MAML2: variants seen among roughly 807,000 people sequenced by gnomAD.
The protein encoded by MAML2 is mastermind-like protein 2.
MAML2 carries 22 observed loss-of-function variants against 96.1 expected under a neutral mutation model. The ratio of observed to expected loss-of-function variants is 0.23; its 90% confidence interval spans 0.16 to 0.33. The LOEUF (loss-of-function observed/expected upper bound fraction) is 0.33, where lower values mean the gene tolerates loss of function less well. Ranked by LOEUF, MAML2 falls within the 10% of genes least tolerant of loss-of-function variation. MAML2 has a pLI of 1.00. For synonymous variants in MAML2, 561 were observed against 521.3 expected (o/e 1.08, Z -1.04); for missense variants, 1,367 against 1,392.4 (o/e 0.98, Z 0.29).
chr11:96,222,257 G>A (rs565106429), intron 1 of MAML2, among the ~76,000 whole-genome samples: 1 of 152,120 alleles, frequency 6.6e-6, no homozygotes, highest in Admixed American at 6.5e-5. Flanking sequence ...TTCCATAAGC[G>A]CACGCTGAAT....
intron 2 of MAML2, among the ~76,000 whole-genome samples, chr11:96,086,412 A>G (rs991414863): frequency 1.3e-5 from 2 of 152,044 alleles, no homozygotes; most frequent in Non-Finnish European, 2.9e-5. Flanking sequence ...ACCTAACAAA[A>G]CTCCAGAAAT....
intron 1 of MAML2, among the ~76,000 whole-genome samples, chr11:96,225,783 A>G (rs1048239741): frequency 2.0e-5 from 3 of 152,158 alleles, no homozygotes; most frequent in Admixed American, 6.5e-5. Context: ...CAGTGAGCCA[A>G]AAATGGGCCA....
At chr11:96,041,451 G>A (rs1858807744) in intron 2 of MAML2, among the ~76,000 whole-genome samples, 1 of 151,004 alleles carries the variant, frequency 6.6e-6, no homozygotes, top group African/African-American at 2.4e-5. Context: ...CAGTGAGCCA[G>A]CCTGGGCAAC....
intron 2 of MAML2, among the ~76,000 whole-genome samples, chr11:96,067,391 A>G (rs1027564785): frequency 1.3e-5 from 2 of 152,238 alleles, no homozygotes; most frequent in Admixed American, 1.3e-4. Context: ...AACAAAGGCC[A>G]TTTCTATCCA....
chr11:95,991,522 C>T lies in MAML2; in HGVS notation c.2341G>A (p.Ala781Thr), dbSNP rs199879516. The T allele has an allele frequency of 1.1e-4, 176 of 1,613,358 alleles. No homozygotes were observed. The highest frequency in any genetic ancestry group is 2.2e-4 in the East Asian group (10 of 44,894). Residue 781 changes from alanine (A) to threonine (T), a missense_variant and splice_region_variant, in exon 3 of 5, where the codon GCG (alanine) becomes ACG (threonine). Transcript: ENST00000524717. ...TAGAAATTAAGAGAAAGTTTTACCG[C>T]GTCAGCCAGCATCTGCTGCTGGAGA... ...LLLQQQMLAD[A>T]EKIAPQDQIN...
intron 1 of MAML2, among the ~76,000 whole-genome samples, chr11:96,299,238 C>A (rs1863353257): frequency 9.1e-6 from 1 of 110,200 alleles, no homozygotes. Flanking sequence ...TGACACTAAT[C>A]ATAAGTACTA....
In MAML2 at chr11:96,110,384, A is replaced by G. The variant is rs181292203; in HGVS notation, c.514-16867T>C. ...ACATTCTAGAATGGAGGATTCCGCC[A>G]TCTTGCCTAATTCTTTCACTTTATG... is the stretch of plus-strand genomic sequence containing the variant. On this transcript the variant is annotated intron_variant, in intron 1 of 4. Coordinates refer to ENST00000524717, the MANE Select transcript of MAML2 (RefSeq NM_032427.4). 2.4e-4 allele frequency among the ~76,000 whole-genome samples: 36 copies of G among 152,354 alleles called. No homozygotes were observed. In the East Asian group the frequency reaches 5.0e-3, roughly 21 times the overall value.
chr11:96,184,239 G>C (rs1023738345), intron 1 of MAML2, among the ~76,000 whole-genome samples: 4 of 152,130 alleles, frequency 2.6e-5, no homozygotes, highest in African/African-American at 9.7e-5. Flanking sequence ...TCAGGAGTTC[G>C]AGACCAGCCT....
At chr11:96,019,453 TG>T (rs1858403155) in intron 2 of MAML2, among the ~76,000 whole-genome samples, 1 of 151,966 alleles carries the variant, frequency 6.6e-6, no homozygotes, top group South Asian at 2.1e-4. Context: ...TGGGTAGGAA[TG>T]CATGCTGAAT....
intron 2 of MAML2, among the ~76,000 whole-genome samples, chr11:95,993,739 G>A (rs890510101): frequency 1.3e-5 from 2 of 152,126 alleles, no homozygotes; most frequent in Admixed American, 6.5e-5. Flanking sequence ...GCCACAAGCC[G>A]AAAGCCTTGG....
At chr11:96,265,830 CT>C (rs369490413) in intron 1 of MAML2, among the ~76,000 whole-genome samples, 12 of 152,318 alleles carry the variant, frequency 7.9e-5, no homozygotes, top group Admixed American at 2.6e-4. Context: ...AATCATCTCC[CT>C]TATGGCTCCC....
chr11:96,038,683 T>C (rs1316692043), intron 2 of MAML2, among the ~76,000 whole-genome samples: 1 of 152,242 alleles, frequency 6.6e-6, no homozygotes, highest in Non-Finnish European at 1.5e-5. Context: ...TTCTCCAGTG[T>C]TGCCTATAGA....
At chr11:96,322,949 C>T (rs1591132287) in intron 1 of MAML2, among the ~76,000 whole-genome samples, 1 of 152,134 alleles carries the variant, frequency 6.6e-6, no homozygotes, top group South Asian at 2.1e-4. Flanking sequence ...CAGGTTCTTT[C>T]GCCCTTGGAA....
chr11:96,172,853 A>T (rs1861318807), intron 1 of MAML2, among the ~76,000 whole-genome samples: 1 of 152,242 alleles, frequency 6.6e-6, no homozygotes, highest in African/African-American at 2.4e-5. Flanking sequence ...AGCAGAACAC[A>T]TGTGTACAGA....
chr11:96,211,630 A>G (rs1283972949), intron 1 of MAML2, among the ~76,000 whole-genome samples: 1 of 152,144 alleles, frequency 6.6e-6, no homozygotes, highest in African/African-American at 2.4e-5. Flanking sequence ...AGGATGTCAC[A>G]CATCTGATGT....
intron 1 of MAML2, among the ~76,000 whole-genome samples, chr11:96,322,607 G>A (rs887778456): frequency 6.6e-6 from 1 of 152,162 alleles, no homozygotes; most frequent in East Asian, 1.9e-4. Flanking sequence ...CAGGAGAATG[G>A]CGTGAACCCG....
intron 2 of MAML2, among the ~76,000 whole-genome samples, chr11:96,088,514 T>G (rs1939484): frequency 0.56 from 85,704 of 152,008 alleles, 25,078 homozygotes; most frequent in African/African-American, 0.67. Flanking sequence ...AGAAATGCAT[T>G]CATTGCATCC....
intron 1 of MAML2, among the ~76,000 whole-genome samples, chr11:96,219,846 G>A (rs761389874): frequency 1.3e-5 from 2 of 152,172 alleles, no homozygotes; most frequent in Non-Finnish European, 2.9e-5. Flanking sequence ...GGCTGGTCTC[G>A]AACTCCTGAC....
chr11:96,264,571 T>G (rs1345278335), intron 1 of MAML2, among the ~76,000 whole-genome samples: 1 of 152,232 alleles, frequency 6.6e-6, no homozygotes, highest in Admixed American at 6.5e-5. Flanking sequence ...TTAGTCACGC[T>G]GGGCAAGGCA....
Sources: allele counts gnomAD v4.1 joint callset (sites outside exome capture counted in the v4.1 genomes callset), GRCh38; gene constraint gnomAD v4.1.1; transcripts MANE v1.5; gene names NCBI Gene and HGNC (gene_info 2026-07-23, HGNC 2026-07-21).